The following TTLL8 variants were observed in gnomAD, a reference collection of about 807,000 sequenced individuals.
TTLL8 encodes the protein protein monoglycylase TTLL8.
Under a neutral mutation model 77.8 loss-of-function variants are expected in TTLL8, and 65 were observed. That is an observed-to-expected ratio of 0.84 (90% CI 0.68 to 1.03). TTLL8 has a LOEUF of 1.03. TTLL8 is among the 50% of genes least tolerant of loss of function. The pLI is 0.00. For synonymous variants in TTLL8, 402 were observed against 422.8 expected (o/e 0.95, Z 0.60); for missense variants, 910 against 1,004.5 (o/e 0.91, Z 1.27).
At chr22:50,042,222 G>T (rs1481134991) in intron 6 of TTLL8, among the ~76,000 whole-genome samples, 1 of 152,202 alleles carries the variant, frequency 6.6e-6, no homozygotes. Flanking sequence ...GCCACAGACT[G>T]GGAGGAGATA....
At chr22:50,031,933 A>G in exon 11 of TTLL8, 1 of 1,366,952 alleles carries the variant, frequency 7.3e-7, no homozygotes. Flanking sequence ...GGCGTGGGCG[A>G]TGGCCTTCTT....
At chr22:50,027,907 T>C (rs1326236978) in intron 12 of TTLL8, among the ~76,000 whole-genome samples, 2 of 152,246 alleles carry the variant, frequency 1.3e-5, no homozygotes, top group Admixed American at 6.5e-5. Flanking sequence ...GGGTTGGAGT[T>C]GTTTGCCACG....
intron 10 of TTLL8, among the ~76,000 whole-genome samples, chr22:50,032,761 G>T (rs1282790245): frequency 6.6e-6 from 1 of 152,202 alleles, no homozygotes; most frequent in African/African-American, 2.4e-5. Flanking sequence ...CACTCCTGAG[G>T]ACTCCACAGG....
rs2061355739 is a variant in TTLL8 at position 50,039,567 on chromosome 22, C to CA, written c.921+1619dup. ...TAATCAAACTGTTGAAAACCAAAGACAGAGAATATCTTAAAGCATCCTGAG... is the reference window on the plus strand; with the variant it reads ...TAATCAAACTGTTGAAAACCAAAGACAAGAGAATATCTTAAAGCATCCTGAG... On this transcript the variant is annotated intron_variant, in intron 8 of 13. Coordinates refer to ENST00000266182, the Ensembl canonical transcript of TTLL8. Among the ~76,000 whole-genome samples, 2 of 152,214 alleles carry CA rather than the reference C, an allele frequency of 1.3e-5. 1 individual carries two copies. The highest frequency in any genetic ancestry group is 4.1e-4 in the South Asian group (2 of 4,836).
chr22:50,023,274 G>A (rs1049885293), intron 12 of TTLL8, among the ~76,000 whole-genome samples: 2 of 152,044 alleles, frequency 1.3e-5, no homozygotes, highest in East Asian at 1.9e-4. Flanking sequence ...CTAAATAAAC[G>A]TTGAGATACA....
Position 50,034,438 on chromosome 22 carries a change from T to C in TTLL8, c.946A>G (p.Thr316Ala). The change falls in exon 9 of 14, where the codon ACG (threonine) becomes GCG (alanine). Residue 316 changes from threonine to alanine, a missense_variant. This residue lies in a region of TTLL8 where 776 missense variants were observed against 926.1 expected (regional missense o/e 0.84). Transcript: ENST00000266182. This position sits in a 1 kb window ranked among gnomAD's most constrained non-coding sequence, Gnocchi z 4.1. ...ATGTCCGTCTGAGGGTTCACAGACGTGATTCTATTCAGCAGAGCCTGGCAC... is the reference window on the plus strand; with the variant it reads ...ATGTCCGTCTGAGGGTTCACAGACGCGATTCTATTCAGCAGAGCCTGGCAC... The C allele has an allele frequency of 7.3e-7, 1 of 1,367,258 alleles. No individual in the cohort carries two copies. The highest frequency in any genetic ancestry group is 1.1e-5 in the South Asian group (1 of 88,048). 84.7% of individuals were successfully genotyped at this position (1,367,258 alleles called of 1,614,324 possible).
chr22:50,018,664 T>C (rs150558024), intron 12 of TTLL8, among the ~76,000 whole-genome samples: 58 of 152,362 alleles, frequency 3.8e-4, no homozygotes, highest in African/African-American at 1.4e-3. Flanking sequence ...TGGAGAGTGA[T>C]GGCTGACTCT....
At chr22:50,031,010 G>C in intron 11 of TTLL8, 85 bp from the exon 13 acceptor site, 14 of 1,184,634 alleles carry the variant, frequency 1.2e-5, no homozygotes, top group Non-Finnish European at 1.4e-5. Context: ...AGGAGGGGCT[G>C]GTCGGGGCAC....
exon 12 of TTLL8, chr22:50,030,669 C>T (rs2061282554): frequency 2.3e-6 from 3 of 1,285,028 alleles, no homozygotes; most frequent in African/African-American, 3.1e-5. Flanking sequence ...GGCTGCCCCC[C>T]TTAAGGGTGC....
chr22:50,031,535 G>A (rs368225986), intron 11 of TTLL8, 151 bp downstream of exon 12: 37 of 1,180,386 alleles, frequency 3.1e-5, no homozygotes, highest in African/African-American at 2.2e-4. Flanking sequence ...GGCCCTCAGC[G>A]GGACCGAGCA....
chr22:50,057,272 C>T (rs1390961746), upstream of TTLL8, among the ~76,000 whole-genome samples: 1 of 124,366 alleles, frequency 8.0e-6, no homozygotes, highest in Non-Finnish European at 1.6e-5. Flanking sequence ...GGGGTCAGGT[C>T]TGGGCTTGGG....
chr22:50,052,384 CG>C (rs1383782716), intron 1 of TTLL8, among the ~76,000 whole-genome samples: 1 of 151,978 alleles, frequency 6.6e-6, no homozygotes, highest in African/African-American at 2.4e-5. Context: ...ATAAAAACAG[CG>C]TAAGATTTCC....
upstream of TTLL8, among the ~76,000 whole-genome samples, chr22:50,057,993 G>T (rs368004229): frequency 6.6e-6 from 1 of 151,740 alleles, no homozygotes; most frequent in African/African-American, 2.4e-5. Flanking sequence ...CTAGGGTAAG[G>T]GGTCTAGAAT....
chr22:50,034,676 G>T lies in TTLL8; in HGVS notation c.922-214C>A, dbSNP rs964027894. Among the ~76,000 whole-genome samples the T allele has an allele frequency of 1.1e-4, 16 of 152,180 alleles. No homozygotes were observed. The highest frequency in any genetic ancestry group is 3.9e-4 in the African/African-American group (16 of 41,446). ...ATGGACACCTGGAAAACACAGCCCT[G>T]TGAGGCTGCTCCAGACGAGGGCTGT... On this transcript the variant is annotated intron_variant, in intron 8 of 13. Transcript: ENST00000266182. The surrounding 1 kb of genome is among the most constrained non-coding windows in gnomAD (Gnocchi z 4.1).
At chr22:50,046,110 C>T (rs2061409725) in intron 4 of TTLL8, 140 bp from the exon 7 acceptor site, 1 of 675,684 alleles carries the variant, frequency 1.5e-6, no homozygotes, top group Non-Finnish European at 2.2e-6. Flanking sequence ...GATCCCTCCC[C>T]CTCCCCAGAT....
rs2061294128 is a variant in TTLL8, at chr22:50,031,666, C to T, written c.1707+20G>A. The T allele has an allele frequency of 1.7e-5, 21 of 1,256,060 alleles. No homozygotes were observed. Among genetic ancestry groups the T allele is most frequent in the Non-Finnish European group, 2.1e-5 (20 of 965,834 alleles). 77.8% of individuals were successfully genotyped at this position (1,256,060 alleles called of 1,614,324 possible). A position where few individuals can be genotyped will look rare whatever the true frequency, so the allele number is the denominator to read the frequency against. ...CATGGCGGGCGGCCACCAAAGTCCC[C>T]AGGGGCGGGCGTGGCTCACCTGCCT... is the stretch of plus-strand genomic sequence containing the variant. On this transcript the variant is annotated intron_variant, in intron 11 of 13. Transcript: ENST00000266182.
chr22:50,022,967 CGTCAGGACAGAGTGTCCATGTACAAA>C (rs1569218788), intron 12 of TTLL8, among the ~76,000 whole-genome samples: 3 of 151,060 alleles, frequency 2.0e-5, no homozygotes, highest in African/African-American at 7.4e-5. Context: ...TTTACCAACA[CGTCAGGACAGAGTGTCCATGTACAAA>C]ATCAGGGCAT....
chr22:50,052,913 C>T (rs1417923587), intron 1 of TTLL8, among the ~76,000 whole-genome samples: 2 of 152,194 alleles, frequency 1.3e-5, no homozygotes, highest in Non-Finnish European at 2.9e-5. Context: ...ACAAACTCTA[C>T]TCTAGTGGCT....
rs949357383 is a variant in TTLL8, at chr22:50,027,791, C to G, written c.2203+2639G>C. On this transcript the variant is annotated intron_variant, in intron 12 of 13. Transcript: ENST00000266182. Reference sequence around the variant, plus strand: ...CACCAGGCGAGCACTAGCCTGAGGCCGAGGGGCACATGGAGCTGGCCTGAG... The same window carrying G: ...CACCAGGCGAGCACTAGCCTGAGGCGGAGGGGCACATGGAGCTGGCCTGAG... The G allele has an allele frequency of 1.0e-5, 10 of 985,450 alleles. No homozygotes were observed. In the South Asian group the frequency reaches 3.3e-4, roughly 32 times the overall value. 61.0% of individuals were successfully genotyped at this position (985,450 alleles called of 1,614,324 possible). A position where few individuals can be genotyped will look rare whatever the true frequency, so the allele number is the denominator to read the frequency against.
Sources: allele counts gnomAD v4.1 joint callset (sites outside exome capture counted in the v4.1 genomes callset), GRCh38; gene constraint gnomAD v4.1.1; regional missense constraint gnomAD v4.1.1; non-coding constraint Gnocchi (gnomAD v3.1); transcripts MANE v1.5; gene names NCBI Gene and HGNC (gene_info 2026-07-23, HGNC 2026-07-21).